The following GALNT18 variants were observed in gnomAD, a reference collection of about 807,000 sequenced individuals.
The protein encoded by GALNT18 is polypeptide N-acetylgalactosaminyltransferase 18, also known as GalNAc-transferase 18.
GALNT18 carries 44 observed loss-of-function variants against 69.5 expected under a neutral mutation model. The observed-to-expected ratio is 0.63, with a 90% CI of 0.50 to 0.81. The LOEUF (loss-of-function observed/expected upper bound fraction) is 0.81. Among genes scored for constraint, GALNT18 ranks in the 40% least tolerant of loss-of-function variants. The pLI, the probability that GALNT18 is intolerant of heterozygous loss-of-function variation, is 0.00. For synonymous variants in GALNT18, 364 were observed against 318.2 expected, an observed-to-expected ratio of 1.14 and a Z score of -1.53; for missense variants, 715 against 810.0, an observed-to-expected ratio of 0.88 and a Z score of 1.42.
chr11:11,490,976 A>G (rs192765698), intron 1 of GALNT18, among the ~76,000 whole-genome samples: 4 of 152,298 alleles, frequency 2.6e-5, no homozygotes, highest in African/African-American at 9.6e-5. Context: ...AAGATAGTGG[A>G]GGTGTGGGTG....
rs1857979630 is a variant in GALNT18 at position 11,543,768 on chromosome 11, G to A, written c.235+77591C>T. Among the ~76,000 whole-genome samples the A allele has an allele frequency of 6.6e-6, 1 of 152,220 alleles. No homozygotes were observed. Among genetic ancestry groups the A allele is most frequent in the Non-Finnish European group, 1.5e-5 (1 of 68,040 alleles). On this transcript the variant is annotated intron_variant, in intron 1 of 10. Transcript: ENST00000227756. This position sits in a 1 kb window ranked among gnomAD's most constrained non-coding sequence, Gnocchi z 5.1. ...TGACTCCTACATCCCATGGCTCTGTGATGTGACTGGGGCCCCGAATGTGCC... is the reference window on the plus strand; with the variant it reads ...TGACTCCTACATCCCATGGCTCTGTAATGTGACTGGGGCCCCGAATGTGCC...
At chr11:11,503,436 G>T (rs1454267640) in intron 1 of GALNT18, among the ~76,000 whole-genome samples, 1 of 152,138 alleles carries the variant, frequency 6.6e-6, no homozygotes, top group Admixed American at 6.5e-5. Context: ...CTAATCAGGT[G>T]CCCACCTCCA....
intron 1 of GALNT18, among the ~76,000 whole-genome samples, chr11:11,483,016 C>T (rs771306455): frequency 2.0e-5 from 3 of 152,220 alleles, no homozygotes; most frequent in Admixed American, 6.5e-5. Flanking sequence ...TTAAAATCTG[C>T]GAAGTTCAGC....
chr11:11,437,661 C>T (rs1034052507), intron 2 of GALNT18, among the ~76,000 whole-genome samples: 3 of 150,744 alleles, frequency 2.0e-5, no homozygotes, highest in Admixed American at 6.7e-5. Flanking sequence ...CAGACACCTC[C>T]GTCTTGGACT....
chr11:11,345,959 C>T (rs1366047610), intron 6 of GALNT18, among the ~76,000 whole-genome samples: 4 of 152,324 alleles, frequency 2.6e-5, no homozygotes, highest in Non-Finnish European at 4.4e-5. Flanking sequence ...GGTCCTGAGG[C>T]TTCTGACGGG....
Position 11,314,514 on chromosome 11 carries a change from G to T in GALNT18, c.1512+12572C>A, listed in dbSNP as rs1323888147. On this transcript the variant is annotated intron_variant, in intron 9 of 10. Coordinates refer to ENST00000227756, the MANE Select transcript of GALNT18 (RefSeq NM_198516.3). This position sits in a 1 kb window ranked among gnomAD's most constrained non-coding sequence, Gnocchi z 5.2. The stretch of plus-strand genomic sequence containing the variant: ...CCGTTGGCTCCCTCCCTGTCTGCCT[G>T]CTCCCCTGACCCTGAGCTGATGTGT... 6.6e-6 allele frequency among the ~76,000 whole-genome samples: 1 copy of T among 152,082 alleles called. No homozygotes were observed. The highest frequency in any genetic ancestry group is 2.4e-5 in the African/African-American group (1 of 41,420).
At chr11:11,492,793 G>A (rs1170991075) in intron 1 of GALNT18, among the ~76,000 whole-genome samples, 2 of 152,002 alleles carry the variant, frequency 1.3e-5, no homozygotes, top group Non-Finnish European at 2.9e-5. Flanking sequence ...AATACCTAAC[G>A]TATCTGGGGC....
chr11:11,280,894 G>GCC (rs1432329297), intron 10 of GALNT18, among the ~76,000 whole-genome samples: 6 of 152,136 alleles, frequency 3.9e-5, no homozygotes, highest in Non-Finnish European at 8.8e-5. Flanking sequence ...AGACTCTTAG[G>GCC]CCCAGAGGCA....
Position 11,469,372 on chromosome 11 carries a change from G to A in GALNT18, c.236-20436C>T, listed in dbSNP as rs936558696. On this transcript the variant is annotated intron_variant, in intron 1 of 10. Transcript: ENST00000227756. The surrounding 1 kb of genome is among the most constrained non-coding windows in gnomAD (Gnocchi z 4.2). ...CTTCCAAGCTTCACAGCAATAGACAGTCCTCGTCAAGTTTGTTGTTATGGC... is the reference window on the plus strand; with the variant it reads ...CTTCCAAGCTTCACAGCAATAGACAATCCTCGTCAAGTTTGTTGTTATGGC... Among the ~76,000 whole-genome samples the A allele has an allele frequency of 6.6e-6, 1 of 152,184 alleles. No individual in the cohort carries two copies. Among genetic ancestry groups the A allele is most frequent in the East Asian group, 1.9e-4 (1 of 5,200 alleles).
In GALNT18 at chr11:11,621,324, C is replaced by T; in HGVS notation, c.235+35G>A. On this transcript the variant is annotated intron_variant, in intron 1 of 10. Transcript: ENST00000227756. This position sits in a 1 kb window ranked among gnomAD's most constrained non-coding sequence, Gnocchi z 9.3. ...CGCGCCGCGCGGGGCACTCCCGGGC[C>T]TCATGGGCGACCCAAGTTTCCGGGG... The T allele has an allele frequency of 6.3e-7, 1 of 1,591,162 alleles. No individual in the cohort carries two copies. The highest frequency in any genetic ancestry group is 8.6e-7 in the Non-Finnish European group (1 of 1,161,376).
At chr11:11,395,018 G>T (rs995697717) in intron 3 of GALNT18, among the ~76,000 whole-genome samples, 1 of 152,194 alleles carries the variant, frequency 6.6e-6, no homozygotes, top group Admixed American at 6.5e-5. Flanking sequence ...TCAGCTCTGC[G>T]GTATAAGGCA....
intron 1 of GALNT18, among the ~76,000 whole-genome samples, chr11:11,535,157 T>C (rs1336525544): frequency 6.6e-6 from 1 of 152,244 alleles, no homozygotes; most frequent in Admixed American, 6.5e-5. Flanking sequence ...CAGTGCTTTT[T>C]ACATAATACA....
In GALNT18 at chr11:11,459,556, G is replaced by T. The variant is rs1186559781; in HGVS notation, c.236-10620C>A. Among the ~76,000 whole-genome samples, 2 of 152,204 alleles carry T rather than the reference G, an allele frequency of 1.3e-5. No individual in the cohort carries two copies. Among genetic ancestry groups the T allele is most frequent in the Non-Finnish European group, 2.9e-5 (2 of 68,044 alleles). On this transcript the variant is annotated intron_variant, in intron 1 of 10. Transcript: ENST00000227756. The surrounding 1 kb of genome is among the most constrained non-coding windows in gnomAD (Gnocchi z 5.0). ...AAGTGCAGACTCCATTAGGGGCTGA[G>T]CCCACCAGACTGAGGAGCTCTGGAG... is the stretch of plus-strand genomic sequence containing the variant.
intron 6 of GALNT18, among the ~76,000 whole-genome samples, chr11:11,368,859 C>A (rs1290888306): frequency 6.6e-6 from 1 of 152,200 alleles, no homozygotes; most frequent in Non-Finnish European, 1.5e-5. Context: ...CTGCTGTTTC[C>A]TCTTGTTGCT....
chr11:11,611,079 A>G (rs1859888045), intron 1 of GALNT18, among the ~76,000 whole-genome samples: 1 of 152,216 alleles, frequency 6.6e-6, no homozygotes, highest in Admixed American at 6.5e-5. Flanking sequence ...AGAAAATGTC[A>G]CCAGCATAAA....
rs1858046536 is a variant in GALNT18 at position 11,546,049 on chromosome 11, TTAGGCCCCTC to T, written c.235+75300_235+75309del. On this transcript the variant is annotated intron_variant, in intron 1 of 10. Coordinates refer to ENST00000227756, the MANE Select transcript of GALNT18 (RefSeq NM_198516.3). The surrounding 1 kb of genome is among the most constrained non-coding windows in gnomAD (Gnocchi z 5.8). ...TTAGAACATTGGCAAACAAGCAGGATTAGGCCCCTCTTCTCCCCAGCCACTCAGCCAAGCT... is the reference window on the plus strand; with the variant it reads ...TTAGAACATTGGCAAACAAGCAGGATTTCTCCCCAGCCACTCAGCCAAGCT... Among the ~76,000 whole-genome samples, 1 of 152,042 alleles carries T rather than the reference TTAGGCCCCTC, an allele frequency of 6.6e-6. No homozygotes were observed. The highest frequency in any genetic ancestry group is 2.4e-5 in the African/African-American group (1 of 41,386).
intron 10 of GALNT18, among the ~76,000 whole-genome samples, chr11:11,274,783 G>A (rs1264285036): frequency 6.6e-6 from 1 of 152,144 alleles, no homozygotes; most frequent in African/African-American, 2.4e-5. Context: ...TCCCACTTAT[G>A]AGTGAGAACA....
intron 5 of GALNT18, among the ~76,000 whole-genome samples, chr11:11,375,750 C>A (rs1853734649): frequency 6.6e-6 from 1 of 152,024 alleles, no homozygotes; most frequent in Non-Finnish European, 1.5e-5. Flanking sequence ...GACCCTTGTA[C>A]ATAGCAGACT....
intron 3 of GALNT18, among the ~76,000 whole-genome samples, chr11:11,384,167 CA>C (rs1187673103): frequency 6.6e-6 from 1 of 151,962 alleles, no homozygotes; most frequent in Non-Finnish European, 1.5e-5. Flanking sequence ...ATTTATTCCC[CA>C]AATTGATTAT....
Sources: allele counts gnomAD v4.1 joint callset (sites outside exome capture counted in the v4.1 genomes callset), GRCh38; gene constraint gnomAD v4.1.1; non-coding constraint Gnocchi (gnomAD v3.1); transcripts MANE v1.5; gene names NCBI Gene and HGNC (gene_info 2026-07-23, HGNC 2026-07-21).